Variants in NOS1AP observed in about 807,000 individuals in gnomAD.
The protein encoded by NOS1AP is nitric oxide synthase 1 adaptor protein.
Under a neutral mutation model 56.2 loss-of-function variants are expected in NOS1AP, and 21 were observed. The ratio of observed to expected loss-of-function variants is 0.37; its 90% CI spans 0.26 to 0.54. The LOEUF (loss-of-function observed/expected upper bound fraction) is 0.54, where lower values mean the gene tolerates loss of function less well. Ranked by LOEUF, NOS1AP falls within the 20% of genes least tolerant of loss-of-function variation. The probability of loss-of-function intolerance (pLI) is 0.84; values close to 1 mark genes in which losing one functional copy is unlikely to be tolerated. For synonymous variants in NOS1AP, 270 were observed against 274.6 expected, an observed-to-expected ratio of 0.98 and a Z score of 0.17; for missense variants, 522 against 657.8, an observed-to-expected ratio of 0.79 and a Z score of 2.26.
chr1:162,339,851 C>A (rs147806658), intron 5 of NOS1AP, among the ~76,000 whole-genome samples: 4 of 152,320 alleles, frequency 2.6e-5, no homozygotes, highest in African/African-American at 9.6e-5. Flanking sequence ...ACAGCCCCTC[C>A]CAGGCACAGG....
intron 2 of NOS1AP, among the ~76,000 whole-genome samples, chr1:162,160,845 G>A (rs1012033827): frequency 6.6e-6 from 1 of 152,144 alleles, no homozygotes; most frequent in Non-Finnish European, 1.5e-5. Flanking sequence ...AAACTTAGCG[G>A]CTTAACACAA....
intron 1 of NOS1AP, among the ~76,000 whole-genome samples, chr1:162,075,984 T>A (rs372026823): frequency 2.0e-5 from 3 of 152,240 alleles, no homozygotes; most frequent in African/African-American, 7.2e-5. Flanking sequence ...GCCCACAATG[T>A]CCCAGTCCTT....
intron 2 of NOS1AP, among the ~76,000 whole-genome samples, chr1:162,177,253 G>A (rs896701180): frequency 5.9e-5 from 9 of 152,134 alleles, no homozygotes; most frequent in African/African-American, 7.2e-5. Context: ...CAAGGATTAC[G>A]CCATTGTGTT....
At chr1:162,315,613 A>G (rs967525280) in intron 4 of NOS1AP, among the ~76,000 whole-genome samples, 4 of 152,234 alleles carry the variant, frequency 2.6e-5, no homozygotes, top group Non-Finnish European at 5.9e-5. Context: ...AAGCTGGGTT[A>G]TCTGCAAGTC....
chr1:162,265,423 C>T (rs1051750490), intron 2 of NOS1AP, among the ~76,000 whole-genome samples: 1 of 148,974 alleles, frequency 6.7e-6, no homozygotes, highest in African/African-American at 2.5e-5. Context: ...GTTCCCCTTC[C>T]TGTGTCCATG....
intron 6 of NOS1AP, among the ~76,000 whole-genome samples, chr1:162,345,080 G>A (rs528250990): frequency 1.7e-4 from 26 of 151,674 alleles, no homozygotes; most frequent in Non-Finnish European, 2.8e-4. Flanking sequence ...GGATGGGAAA[G>A]CTCAACATCA....
chr1:162,116,860 A>T (rs1248416879), intron 1 of NOS1AP, among the ~76,000 whole-genome samples: 2 of 152,186 alleles, frequency 1.3e-5, no homozygotes, highest in African/African-American at 4.8e-5. Flanking sequence ...TAACAAGTAC[A>T]GTTTCCTTAG....
At chr1:162,175,616 G>C (rs1317996303) in intron 2 of NOS1AP, among the ~76,000 whole-genome samples, 1 of 152,142 alleles carries the variant, frequency 6.6e-6, no homozygotes, top group Non-Finnish European at 1.5e-5. Flanking sequence ...GATCGGAGGT[G>C]TGGGGGTGGG....
intron 2 of NOS1AP, among the ~76,000 whole-genome samples, chr1:162,158,491 T>G (rs1452568393): frequency 1.3e-5 from 2 of 152,206 alleles, no homozygotes; most frequent in African/African-American, 2.4e-5. Context: ...TGCTTAGAAA[T>G]TTTTGGGATA....
intron 1 of NOS1AP, among the ~76,000 whole-genome samples, chr1:162,115,392 G>A (rs4657145): frequency 0.51 from 77,305 of 151,408 alleles, 21,771 homozygotes; most frequent in Non-Finnish European, 0.64. Context: ...AGCCTCAGGT[G>A]CTCTGTTTTT....
At chr1:162,128,539 A>C (rs76204833) in intron 1 of NOS1AP, among the ~76,000 whole-genome samples, 8,602 of 152,230 alleles carry the variant, frequency 0.057, 283 homozygotes, top group Middle Eastern at 0.079. Context: ...AAATATTGAT[A>C]ATTTTCTTCA....
intron 1 of NOS1AP, among the ~76,000 whole-genome samples, chr1:162,091,548 T>C (rs1176677643): frequency 2.0e-5 from 3 of 152,196 alleles, no homozygotes; most frequent in Non-Finnish European, 4.4e-5. Flanking sequence ...TTTCCCAGAA[T>C]TGGGATATTG....
chr1:162,269,465 G>C (rs1354124179), intron 2 of NOS1AP, among the ~76,000 whole-genome samples: 1 of 152,116 alleles, frequency 6.6e-6, no homozygotes, highest in African/African-American at 2.4e-5. Context: ...ACACATTCAG[G>C]TTTTAAAAAC....
intron 1 of NOS1AP, among the ~76,000 whole-genome samples, chr1:162,090,828 G>A (rs931525974): frequency 1.1e-4 from 17 of 151,944 alleles, no homozygotes; most frequent in African/African-American, 4.1e-4. Context: ...ATAATTTAAA[G>A]TATTTTTAGC....
chr1:162,351,218 A>G lies in NOS1AP; in HGVS notation c.596-3969A>G, dbSNP rs143258815. ...ACACATAAAACTAGTGCAGTGCCTG[A>G]AGCATACTAAGTGCTGTTTAAGTTT... is the stretch of plus-strand genomic sequence containing the variant. On this transcript the variant is annotated intron_variant, in intron 6 of 9. Coordinates refer to ENST00000361897, the MANE Select transcript of NOS1AP (RefSeq NM_014697.3). Among the ~76,000 whole-genome samples, 272 of 152,342 alleles carry G rather than the reference A, an allele frequency of 1.8e-3. 1 individual carries two copies. The highest frequency in any genetic ancestry group is 6.3e-3 in the African/African-American group (263 of 41,582).
rs1029875335 is a variant in NOS1AP, at chr1:162,368,462, A to G, written c.*995A>G. On this transcript the variant is annotated 3_prime_UTR_variant, in exon 10 of 10. Coordinates refer to ENST00000361897, the MANE Select transcript of NOS1AP (RefSeq NM_014697.3). ...GCAAAAAAAAAAAAAGAAAAAAGAG[A>G]AAGAAAAAAAAGAATGAATGCAAGC... 1 of 151,142 alleles carries G rather than the reference A, an allele frequency of 6.6e-6. No individual in the cohort carries two copies. Among genetic ancestry groups the G allele is most frequent in the Non-Finnish European group, 1.5e-5 (1 of 67,954 alleles). 9.4% of individuals were successfully genotyped at this position (151,142 alleles called of 1,614,324 possible).
At chr1:162,353,609 A>G (rs1246757205) in intron 6 of NOS1AP, among the ~76,000 whole-genome samples, 3 of 152,232 alleles carry the variant, frequency 2.0e-5, no homozygotes, top group Non-Finnish European at 2.9e-5. Flanking sequence ...TTTAGGAAAC[A>G]TGAATGAGAC....
intron 2 of NOS1AP, among the ~76,000 whole-genome samples, chr1:162,267,596 CAAAAA>C (rs71829190): frequency 2.3e-4 from 23 of 100,130 alleles, no homozygotes; most frequent in East Asian, 1.2e-3. Context: ...CCTGTCTCTA[CAAAAA>C]AAAAAAAAAA....
chr1:162,171,496 C>T (rs1650779019), intron 2 of NOS1AP, among the ~76,000 whole-genome samples: 1 of 152,158 alleles, frequency 6.6e-6, no homozygotes, highest in Non-Finnish European at 1.5e-5. Flanking sequence ...GTCCAGTTCT[C>T]AGCCATCTCT....
Sources: allele counts gnomAD v4.1 joint callset (sites outside exome capture counted in the v4.1 genomes callset), GRCh38; gene constraint gnomAD v4.1.1; transcripts MANE v1.5; gene names NCBI Gene and HGNC (gene_info 2026-07-23, HGNC 2026-07-21).